The following RASGRP2 variants were observed in gnomAD, a reference collection of about 807,000 sequenced individuals.
RASGRP2 encodes RAS guanyl-releasing protein 2.
Under a neutral mutation model 71.0 loss-of-function variants are expected in RASGRP2, and 44 were observed. The observed-to-expected ratio is 0.62, with a 90% CI of 0.49 to 0.80. The LOEUF is 0.80. Ranked by LOEUF, RASGRP2 falls within the 30% of genes least tolerant of loss-of-function variation. RASGRP2 has a pLI of 0.00. For missense variants in RASGRP2, 663 were observed against 813.4 expected (o/e 0.82, Z 2.25); for synonymous variants, 350 against 330.7 (o/e 1.06, Z -0.63).
intron 14 of RASGRP2, 99 bp downstream of exon 14, chr11:64,729,663 A>G: frequency 1.4e-6 from 2 of 1,416,636 alleles, no homozygotes; most frequent in Non-Finnish European, 2.0e-6. Context: ...AAGGTACTTC[A>G]CTCCTTGGCA....
chr11:64,742,013 T>A lies in RASGRP2; in HGVS notation c.173A>T (p.His58Leu). The change falls in exon 3 of 17, where the codon CAC becomes CTC. Residue 58 changes from histidine to leucine, a missense_variant. Transcript: ENST00000394432. This position sits in a 1 kb window ranked among gnomAD's most constrained non-coding sequence, Gnocchi z 4.7. ...TGGCAAGGCCGGCGAAGGATATATGTGGAGCAGCTTGGCCGCCAGCTGAGA... is the reference window on the plus strand; with the variant it reads ...TGGCAAGGCCGGCGAAGGATATATGAGGAGCAGCTTGGCCGCCAGCTGAGA... ...PSSQLAAKLLHIYQQSRKDNS... is the reference protein window; with the variant it reads ...PSSQLAAKLLLIYQQSRKDNS... 6.2e-7 allele frequency: 1 copy of A among 1,608,496 alleles called. No homozygotes were observed. Among genetic ancestry groups the A allele is most frequent in the Non-Finnish European group, 8.5e-7 (1 of 1,177,416 alleles).
At chr11:64,740,807 G>C in intron 5 of RASGRP2, 141 bp downstream of exon 5, 1 of 1,128,666 alleles carries the variant, frequency 8.9e-7, no homozygotes, top group South Asian at 1.3e-5. Context: ...GAGGCATGTT[G>C]AAGGCAATAG....
At chr11:64,729,864 T>C (rs574745099) in intron 13 of RASGRP2, 66 bp from the exon 14 acceptor site, 2 of 1,602,078 alleles carry the variant, frequency 1.2e-6, no homozygotes, top group African/African-American at 1.3e-5. Flanking sequence ...TTCTTCCTTC[T>C]TGAGGGTGAG....
In RASGRP2 at chr11:64,742,686, G is replaced by T; in HGVS notation, c.73+108C>A. 1 of 1,430,278 alleles carries T rather than the reference G, an allele frequency of 7.0e-7. No individual in the cohort carries two copies. The allele number at this position is 1,430,278 out of a possible 1,614,324, so 88.6% of individuals were successfully genotyped here. On this transcript the variant is annotated intron_variant, in intron 2 of 16. Transcript: ENST00000394432. The surrounding 1 kb of genome is among the most constrained non-coding windows in gnomAD (Gnocchi z 4.7). ...TAAAGAGACTGCACGCTGCGGAGCAGGGTGGGTCCGGGTCAGGGCTGTGCC... is the reference window on the plus strand; with the variant it reads ...TAAAGAGACTGCACGCTGCGGAGCATGGTGGGTCCGGGTCAGGGCTGTGCC...
Position 64,730,041 on chromosome 11 carries a change from A to G in RASGRP2, c.1554+12T>C, listed in dbSNP as rs1164876900. The G allele has an allele frequency of 3.9e-6, 6 of 1,549,912 alleles. No individual in the cohort carries two copies. Among genetic ancestry groups the G allele is most frequent in the Non-Finnish European group, 5.2e-6 (6 of 1,147,302 alleles). ...CGTGGCTTGGGCCGTGAGCCGGGAA[A>G]GGGACTCTCACCAGGGCTTTGCAGT... On this transcript the variant is annotated intron_variant, in intron 13 of 16. Transcript: ENST00000394432.
intron 12 of RASGRP2, among the ~76,000 whole-genome samples, chr11:64,733,921 A>C (rs1331802428): frequency 1.3e-5 from 2 of 148,258 alleles, no homozygotes; most frequent in Non-Finnish European, 3.0e-5. Context: ...GTGTGATGAC[A>C]GCTCACTGCA....
In RASGRP2 at chr11:64,737,008, C is replaced by T. The variant is rs758683566; in HGVS notation, c.840G>A (p.Val280=). 3.7e-6 allele frequency: 6 copies of T among 1,613,880 alleles called. No homozygotes were observed. In the South Asian group the frequency reaches 6.6e-5, roughly 18 times the overall value. The change falls in exon 9 of 17, where the codon GTG becomes GTA. Residue 280 remains valine, a synonymous_variant. Coordinates refer to ENST00000394432, the MANE Select transcript of RASGRP2 (RefSeq NM_001098671.2). ...AGTTGCCATAGTTGCCTGTCGCCGT[C>T]ACTAGTTCCGTGAGACCCTCCCAGA... ...IKLWEGLTEL[V]TATGNYGNYR... is the part of the protein sequence containing the mutation.
intron 14 of RASGRP2, 146 bp from the exon 15 acceptor site, chr11:64,729,188 C>T: frequency 1.2e-6 from 1 of 820,846 alleles, no homozygotes; most frequent in South Asian, 1.5e-5. Flanking sequence ...AAAGTGTTCT[C>T]CTCCTCCTAA....
rs779510361 is a variant in RASGRP2 at position 64,743,482 on chromosome 11, A to T, written c.-72+521T>A. On this transcript the variant is annotated intron_variant, in intron 1 of 16. Transcript: ENST00000394432. The surrounding 1 kb of genome is among the most constrained non-coding windows in gnomAD (Gnocchi z 4.9). ...GCGAGGCGGGGCTGCGGCAGCCCCCAGGGGGCCTGCCCTAGGGGAGGCGGA... is the reference window on the plus strand; with the variant it reads ...GCGAGGCGGGGCTGCGGCAGCCCCCTGGGGGCCTGCCCTAGGGGAGGCGGA... 33 of 349,704 alleles carry T rather than the reference A, an allele frequency of 9.4e-5. No homozygotes were observed. The highest frequency in any genetic ancestry group is 8.3e-5 in the South Asian group (4 of 48,084). The allele number at this position is 349,704 out of a possible 1,614,324, so 21.7% of individuals were successfully genotyped here. A position where few individuals can be genotyped will look rare whatever the true frequency, so the allele number is the denominator to read the frequency against.
In RASGRP2 at chr11:64,735,282, T is replaced by G. The variant is rs116194408; in HGVS notation, c.1297-55A>C. The G allele has an allele frequency of 4.5e-3, 6,424 of 1,424,174 alleles. 198 individuals carry two copies. In the African/African-American group the frequency reaches 0.076, roughly 17 times the overall value. The allele number at this position is 1,424,174 out of a possible 1,614,324, so 88.2% of individuals were successfully genotyped here. On this transcript the variant is annotated intron_variant, in intron 11 of 16. Coordinates refer to ENST00000394432, the MANE Select transcript of RASGRP2 (RefSeq NM_001098671.2). This position sits in a 1 kb window ranked among gnomAD's most constrained non-coding sequence, Gnocchi z 4.2. ...AGAAGAGGGGAGAGTAAAGGGGACA[T>G]CAGGTCCTGTCCCTTCCCACGTTCC...
intron 5 of RASGRP2, 101 bp downstream of exon 5, chr11:64,740,847 G>T: frequency 6.7e-7 from 1 of 1,496,350 alleles, no homozygotes; most frequent in Non-Finnish European, 9.3e-7. Context: ...AAGCGAGAGA[G>T]CAACATGACC....
In RASGRP2 at chr11:64,742,241, C is replaced by T. The variant is rs1046165975; in HGVS notation, c.74-129G>A. The T allele has an allele frequency of 5.3e-6, 4 of 750,802 alleles. No homozygotes were observed. The highest frequency in any genetic ancestry group is 2.0e-5 in the Admixed American group (1 of 49,668). 46.5% of individuals were successfully genotyped at this position (750,802 alleles called of 1,614,324 possible). A position where few individuals can be genotyped will look rare whatever the true frequency, so the allele number is the denominator to read the frequency against. ...TCGACCCCGCCCACCTCCTGCTTGC[C>T]CAGGACTCCGAGAGCAGGAGGCAAA... On this transcript the variant is annotated intron_variant, in intron 2 of 16. Coordinates refer to ENST00000394432, the MANE Select transcript of RASGRP2 (RefSeq NM_001098671.2). This position sits in a 1 kb window ranked among gnomAD's most constrained non-coding sequence, Gnocchi z 4.7.
intron 15 of RASGRP2, among the ~76,000 whole-genome samples, 156 bp downstream of exon 15, chr11:64,728,707 A>G (rs970225435): frequency 6.6e-6 from 1 of 151,966 alleles, no homozygotes; most frequent in African/African-American, 2.4e-5. Flanking sequence ...TGCTGGGATT[A>G]CAGGCGTGAG....
Position 64,739,759 on chromosome 11 carries a change from G to A in RASGRP2, c.573C>T (p.Pro191=), listed in dbSNP as rs370448752. 1.1e-4 allele frequency: 180 copies of A among 1,613,800 alleles called. No homozygotes were observed. Among genetic ancestry groups the A allele is most frequent in the African/African-American group, 6.8e-4 (51 of 74,882 alleles). Residue 191 remains proline (P), a synonymous_variant, in exon 7 of 17, where the codon CCC becomes CCT. Coordinates refer to ENST00000394432, the MANE Select transcript of RASGRP2 (RefSeq NM_001098671.2). The surrounding 1 kb of genome is among the most constrained non-coding windows in gnomAD (Gnocchi z 4.2). ...AGAGGGAGATGAACCGCTCCAGGAC[G>A]GGGTTGTCCACAGTGCAGCCATGAG... ...FVTHGCTVDN[P]VLERFISLFN... is the part of the protein sequence containing the mutation.
rs1401209222 is a variant in RASGRP2, at chr11:64,742,638, T to A, written c.73+156A>T. The A allele has an allele frequency of 6.2e-6, 6 of 962,676 alleles. No homozygotes were observed. The East Asian group carries it at 7.9e-5, about 13-fold the overall frequency. The allele number at this position is 962,676 out of a possible 1,614,324, so 59.6% of individuals were successfully genotyped here. A position where few individuals can be genotyped will look rare whatever the true frequency, so the allele number is the denominator to read the frequency against. ...CTGAAGGGCGTGCATCTCTCTGCCC[T>A]GCGTTGCGGAGGAGGCTTTCGTTAA... On this transcript the variant is annotated intron_variant, in intron 2 of 16. Coordinates refer to ENST00000394432, the MANE Select transcript of RASGRP2 (RefSeq NM_001098671.2). The surrounding 1 kb of genome is among the most constrained non-coding windows in gnomAD (Gnocchi z 4.7).
At chr11:64,738,188 CACAA>C (rs1335053079) in intron 8 of RASGRP2, among the ~76,000 whole-genome samples, 2 of 152,138 alleles carry the variant, frequency 1.3e-5, no homozygotes, top group African/African-American at 4.8e-5. Flanking sequence ...CATAAAATAA[CACAA>C]ACAACATTCC....
Position 64,742,512 on chromosome 11 carries a change from T to A in RASGRP2, c.73+282A>T, listed in dbSNP as rs1404001614. ...GCCGGAGATAGCGAGTTCCTCCGGA[T>A]TCCCCGGGAGACAGATAATGCCCCT... On this transcript the variant is annotated intron_variant, in intron 2 of 16. Coordinates refer to ENST00000394432, the MANE Select transcript of RASGRP2 (RefSeq NM_001098671.2). This position sits in a 1 kb window ranked among gnomAD's most constrained non-coding sequence, Gnocchi z 4.7. 2 of 577,854 alleles carry A rather than the reference T, an allele frequency of 3.5e-6. No individual in the cohort carries two copies. The highest frequency in any genetic ancestry group is 2.9e-5 in the East Asian group (1 of 34,348). 35.8% of individuals were successfully genotyped at this position (577,854 alleles called of 1,614,324 possible).
chr11:64,729,749 C>A lies in RASGRP2; in HGVS notation c.1591+13G>T, dbSNP rs1420312756. 6.2e-7 allele frequency: 1 copy of A among 1,613,858 alleles called. No homozygotes were observed. The highest frequency in any genetic ancestry group is 8.5e-7 in the Non-Finnish European group (1 of 1,179,776). On this transcript the variant is annotated intron_variant, in intron 14 of 16. Transcript: ENST00000394432. ...AACACTGCCCAGCAGCCCTTCCAGT[C>A]ATTCCATCTCACCTCGGCATTTGAG...
Position 64,735,507 on chromosome 11 carries a change from TCC to T in RASGRP2, c.1296+33_1296+34del, listed in dbSNP as rs772302182. 6.2e-7 allele frequency: 1 copy of T among 1,613,204 alleles called. No individual in the cohort carries two copies. The highest frequency in any genetic ancestry group is 8.5e-7 in the Non-Finnish European group (1 of 1,180,024). ...GGCAGTGCTCCGGCAAACTGGCCTC[TCC>T]CCACACACTGCTCAGGCTCCGCAGG... On this transcript the variant is annotated intron_variant, in intron 11 of 16. Transcript: ENST00000394432. The surrounding 1 kb of genome is among the most constrained non-coding windows in gnomAD (Gnocchi z 4.2).
Sources: gnomAD v4.1 joint callset for allele counts (sites outside exome capture counted in the v4.1 genomes callset) on GRCh38, gnomAD v4.1.1 for gene constraint, Gnocchi (gnomAD v3.1) non-coding constraint, MANE v1.5 for transcripts, NCBI Gene and HGNC (gene_info 2026-07-23, HGNC 2026-07-21) for gene names.